The following CACHD1 variants were observed in gnomAD, a reference collection of about 807,000 sequenced individuals.
CACHD1 encodes cache domain containing 1.
In CACHD1, 71 loss-of-function variants were observed where a neutral mutation model predicts 138.7. The observed-to-expected ratio is 0.51, with a 90% CI of 0.42 to 0.62. The LOEUF (loss-of-function observed/expected upper bound fraction) is 0.62. Ranked by LOEUF, CACHD1 falls within the 20% of genes least tolerant of loss-of-function variation. The pLI is 0.00. For synonymous variants in CACHD1, 578 were observed against 591.5 expected, an observed-to-expected ratio of 0.98 and a Z score of 0.33; for missense variants, 1,389 against 1,625.3, an observed-to-expected ratio of 0.85 and a Z score of 2.50.
At chr1:64,530,322 A>G (rs544037213) in intron 1 of CACHD1, among the ~76,000 whole-genome samples, 264 of 152,296 alleles carry the variant, frequency 1.7e-3, no homozygotes, top group African/African-American at 6.0e-3. Context: ...AAGAATAGCA[A>G]CTTCTTAAAT....
intron 1 of CACHD1, among the ~76,000 whole-genome samples, chr1:64,481,051 C>T (rs948540233): frequency 1.3e-5 from 2 of 152,110 alleles, no homozygotes; most frequent in African/African-American, 2.4e-5. Context: ...TTTGCACAGT[C>T]AAATGATTTC....
rs534938482 is a variant in CACHD1 at position 64,653,893 on chromosome 1, G to T, written c.1664+12G>T. On this transcript the variant is annotated intron_variant, in intron 11 of 26. Coordinates refer to ENST00000651257, the MANE Select transcript of CACHD1 (RefSeq NM_020925.4). ...CAAAATATCCTAAGGTAAGGAAAAG[G>T]TGAGGGTCATAGGATTGTTTTTCCC... 29 of 1,611,114 alleles carry T rather than the reference G, an allele frequency of 1.8e-5. No homozygotes were observed. In the African/African-American group the frequency reaches 3.6e-4, roughly 20 times the overall value.
intron 26 of CACHD1, among the ~76,000 whole-genome samples, chr1:64,682,595 G>A (rs1292786348): frequency 1.3e-5 from 2 of 152,286 alleles, no homozygotes; most frequent in East Asian, 3.9e-4. Flanking sequence ...GAAAAGGTAG[G>A]GGCAAAGAAT....
At chr1:64,523,917 GAGT>G (rs988390540) in intron 1 of CACHD1, among the ~76,000 whole-genome samples, 38 of 101,022 alleles carry the variant, frequency 3.8e-4, no homozygotes, top group African/African-American at 9.3e-4. Flanking sequence ...TCAGTAAATG[GAGT>G]AGATGAGTCT....
At chr1:64,677,788 CTTTTTTTT>C (rs989545201) in intron 22 of CACHD1, among the ~76,000 whole-genome samples, 1 of 149,330 alleles carries the variant, frequency 6.7e-6, no homozygotes, top group Admixed American at 6.7e-5. Context: ...ACTTATTGGA[CTTTTTTTT>C]TTATTTTTTT....
chr1:64,632,813 G>A, intron 6 of CACHD1, 70 bp downstream of exon 6: 2 of 1,548,226 alleles, frequency 1.3e-6, no homozygotes, highest in East Asian at 4.5e-5. Context: ...GTACTTTATT[G>A]TTTTGTGATA....
At chr1:64,638,651 C>T (rs77209777) in intron 7 of CACHD1, among the ~76,000 whole-genome samples, 2,642 of 152,160 alleles carry the variant, frequency 0.017, 67 homozygotes, top group African/African-American at 0.061. Flanking sequence ...AAATATGAGT[C>T]GCTCTTCCCC....
At chr1:64,599,050 C>T (rs141754266) in intron 3 of CACHD1, among the ~76,000 whole-genome samples, 2,419 of 151,992 alleles carry the variant, frequency 0.016, 38 homozygotes, top group Non-Finnish European at 0.025. Flanking sequence ...AGCTGCCTTA[C>T]CCCTGTCACT....
Position 64,629,379 on chromosome 1 carries a change from A to T in CACHD1, c.542A>T (p.Asn181Ile), listed in dbSNP as rs371470161. 6.1e-5 allele frequency: 99 copies of T among 1,613,944 alleles called. No individual in the cohort carries two copies. Among genetic ancestry groups the T allele is most frequent in the Non-Finnish European group, 7.9e-5 (93 of 1,179,970 alleles). ...NSVLADNLKS[N>I]PGIKWQYFSS... is the part of the protein sequence containing the mutation. The stretch of plus-strand genomic sequence containing the variant: ...GTTCTTGCAGACAACCTGAAATCCA[A>T]CCCTGGAATTAAGTGGCAATATTTC... Residue 181 changes from asparagine to isoleucine, a missense_variant, in exon 5 of 27, where the codon AAC becomes ATC. Asn to Ile is a moderately radical substitution (Grantham distance 149). Transcript: ENST00000651257.
intron 25 of CACHD1, 121 bp downstream of exon 25, chr1:64,681,456 G>T: frequency 1.8e-6 from 1 of 564,062 alleles, no homozygotes. Context: ...CGGTGGCTGG[G>T]TTTTTTTAGT....
intron 16 of CACHD1, among the ~76,000 whole-genome samples, chr1:64,666,407 A>G (rs1214998631): frequency 3.9e-5 from 6 of 152,216 alleles, no homozygotes; most frequent in African/African-American, 1.4e-4. Context: ...GAGTCAGTGA[A>G]AGGCTGTTAG....
At chr1:64,615,345 C>G (rs1424077729) in intron 4 of CACHD1, among the ~76,000 whole-genome samples, 3 of 152,330 alleles carry the variant, frequency 2.0e-5, no homozygotes, top group African/African-American at 7.2e-5. Context: ...AGGGCTTCTA[C>G]ACAGTGTCAG....
chr1:64,688,065 A>G (rs1208178999), intron 26 of CACHD1, among the ~76,000 whole-genome samples: 1 of 151,862 alleles, frequency 6.6e-6, no homozygotes, highest in South Asian at 2.1e-4. Context: ...AAGACTTTCC[A>G]ACTGAAGCAT....
At chr1:64,578,282 C>T (rs558281013) in intron 2 of CACHD1, among the ~76,000 whole-genome samples, 12 of 152,248 alleles carry the variant, frequency 7.9e-5, no homozygotes, top group South Asian at 2.1e-4. Flanking sequence ...AATGAGAATA[C>T]CCACACTGTA....
chr1:64,681,257 G>A lies in CACHD1; in HGVS notation c.3407-1G>A. The A allele has an allele frequency of 6.2e-7, 1 of 1,612,176 alleles. No individual in the cohort carries two copies. ...GTTTCTCTCTTTTTAATGATGGGTA[G>A]AAATGTCAGTGCGTATGTCCAACCT... On this transcript the variant is annotated splice_acceptor_variant, in intron 24 of 26. Transcript: ENST00000651257. LOFTEE classifies it high-confidence loss of function.
At chr1:64,660,339 C>G (rs984415314) in intron 13 of CACHD1, among the ~76,000 whole-genome samples, 1 of 152,118 alleles carries the variant, frequency 6.6e-6, no homozygotes, top group African/African-American at 2.4e-5. Context: ...ATGGCAGCCA[C>G]TAGCCACGTG....
intron 2 of CACHD1, among the ~76,000 whole-genome samples, chr1:64,558,492 A>G (rs1646815073): frequency 6.6e-6 from 1 of 151,924 alleles, no homozygotes; most frequent in Non-Finnish European, 1.5e-5. Flanking sequence ...ATCACTTATC[A>G]CTTTTTGGAT....
chr1:64,679,800 A>G (rs778049583), intron 24 of CACHD1, 44 bp downstream of exon 24: 5 of 1,605,188 alleles, frequency 3.1e-6, no homozygotes, highest in South Asian at 1.1e-5. Context: ...CAGCCAGGCT[A>G]GAAGGACAGT....
rs771105895 is a variant in CACHD1 at position 64,629,416 on chromosome 1, A to G, written c.579A>G (p.Glu193=). The G allele has an allele frequency of 1.2e-6, 2 of 1,614,178 alleles. No homozygotes were observed. Reference sequence around the variant, plus strand: ...AGTGGCAATATTTCAGTTCAGAAGAAGGAATTTTCACTGTTTTCCCAGCAC... The same window carrying G: ...AGTGGCAATATTTCAGTTCAGAAGAGGGAATTTTCACTGTTTTCCCAGCAC... ...GIKWQYFSSE[E]GIFTVFPAHK... The change falls in exon 5 of 27, where the codon GAA becomes GAG. Residue 193 remains glutamate, a synonymous_variant. Transcript: ENST00000651257.
Sources: gnomAD v4.1 joint callset for allele counts (sites outside exome capture counted in the v4.1 genomes callset) on GRCh38, gnomAD v4.1.1 for gene constraint, MANE v1.5 for transcripts, NCBI Gene and HGNC (gene_info 2026-07-23, HGNC 2026-07-21) for gene names.